Variants in KDM6B observed in about 807,000 individuals in gnomAD.
KDM6B encodes lysine demethylase 6B, also known as lysine-specific demethylase 6B.
Under a neutral mutation model 150.4 loss-of-function variants are expected in KDM6B, and 22 were observed. The observed-to-expected ratio is 0.15, with a 90% CI of 0.10 to 0.21. KDM6B has a LOEUF of 0.21. Ranked by LOEUF, KDM6B falls within the 10% of genes least tolerant of loss-of-function variation. The pLI is 1.00. For synonymous variants in KDM6B, 1,148 were observed against 921.1 expected (o/e 1.25, Z -4.46); for missense variants, 1,984 against 2,234.3 (o/e 0.89, Z 2.26).
At chr17:7,850,217 G>A in intron 14 of KDM6B, 40 bp downstream of exon 14, 1 of 1,537,582 alleles carries the variant, frequency 6.5e-7, no homozygotes, top group Non-Finnish European at 9.0e-7. Flanking sequence ...AGGGCTACAA[G>A]GGTCTGGGGC....
At chr17:7,836,739 C>T (rs1228953641) in intron 1 of KDM6B, among the ~76,000 whole-genome samples, 2 of 152,224 alleles carry the variant, frequency 1.3e-5, no homozygotes, top group Non-Finnish European at 2.9e-5. Flanking sequence ...TGGGTTTCTT[C>T]TTATGTCTCC....
In KDM6B at chr17:7,852,969, G is replaced by A. The variant is rs771721331; in HGVS notation, c.4611-31G>A. ...CCTGCCTCAGGCCTCCTCCTTGCCG[G>A]TGGTCTCAACACAACCCCACTGCTC... On this transcript the variant is annotated intron_variant, in intron 21 of 23. Transcript: ENST00000448097. 30 of 1,613,236 alleles carry A rather than the reference G, an allele frequency of 1.9e-5. No homozygotes were observed. In the Admixed American group the frequency reaches 5.0e-4, roughly 27 times the overall value.
rs535012380 is a variant in KDM6B at position 7,851,371 on chromosome 17, C to T, written c.3921C>T (p.Asp1307=). ...ESEDEESEEP[D]STTGTPPSSA... is the part of the protein sequence containing the mutation. ...AGGATGAGGAGTCAGAGGAGCCAGA[C>T]AGCACCACTGGAACCCCTCCTAGGT... The change falls in exon 16 of 24, where the codon GAC becomes GAT. Residue 1307 remains aspartate, a synonymous_variant. Coordinates refer to ENST00000448097, the MANE Select transcript of KDM6B (RefSeq NM_001348716.2). 2 of 1,614,178 alleles carry T rather than the reference C, an allele frequency of 1.2e-6. No homozygotes were observed. The highest frequency in any genetic ancestry group is 1.7e-6 in the Non-Finnish European group (2 of 1,180,018).
At position 7,852,458 on chromosome 17, in the gene KDM6B, G is replaced by GT. The variant is rs759868589; in HGVS notation, c.4469-34dup. 15 of 1,601,184 alleles carry GT rather than the reference G, an allele frequency of 9.4e-6. No homozygotes were observed. In the South Asian group the frequency reaches 1.7e-4, roughly 18 times the overall value. On this transcript the variant is annotated intron_variant, in intron 20 of 23. Coordinates refer to ENST00000448097, the MANE Select transcript of KDM6B (RefSeq NM_001348716.2). ...GCTTGGGCCTAGGTGTCTGGGGGCT[G>GT]TTTGAGAGTCCTGTTGTGATCGCCT...
chr17:7,849,787 A>G (rs1428401263), intron 12 of KDM6B, 34 bp from the exon 13 acceptor site: 4 of 1,612,762 alleles, frequency 2.5e-6, no homozygotes, highest in Non-Finnish European at 2.5e-6. Context: ...CATCACCCTG[A>G]TGTTTCTGTC....
In KDM6B at chr17:7,846,385, T is replaced by C. The variant is rs1222012413; in HGVS notation, c.457-15T>C. The C allele has an allele frequency of 2.5e-5, 13 of 527,360 alleles. No homozygotes were observed. Among genetic ancestry groups the C allele is most frequent in the Non-Finnish European group, 4.3e-5 (12 of 278,978 alleles). The allele number at this position is 527,360 out of a possible 1,614,324, so 32.7% of individuals were successfully genotyped here. On this transcript the variant is annotated splice_polypyrimidine_tract_variant and intron_variant, in intron 7 of 23. Transcript: ENST00000448097. ...ACCTGACATCTGCCCCTGCCCCGTG[T>C]CCCCCCACCCCCAGGCCCAGCTCTG...
In KDM6B at chr17:7,844,459, C is replaced by A. The variant is rs747376059; in HGVS notation, c.-268-442C>A. 6.6e-6 allele frequency: 1 copy of A among 152,288 alleles called. No homozygotes were observed. Among genetic ancestry groups the A allele is most frequent in the African/African-American group, 2.4e-5 (1 of 41,436 alleles). 9.4% of individuals were successfully genotyped at this position (152,288 alleles called of 1,614,324 possible). ...TTGGGTGCCGTGGAAGTCGCTGTGG[C>A]TGGCCAGCCCTAAGCAGTTAATAGG... On this transcript the variant is annotated intron_variant, in intron 2 of 23. Coordinates refer to ENST00000448097, the MANE Select transcript of KDM6B (RefSeq NM_001348716.2). This position sits in a 1 kb window ranked among gnomAD's most constrained non-coding sequence, Gnocchi z 5.9.
chr17:7,847,525 C>T, intron 11 of KDM6B, 21 bp from the exon 12 acceptor site: 1 of 1,613,122 alleles, frequency 6.2e-7, no homozygotes, highest in Non-Finnish European at 8.5e-7. Flanking sequence ...ATGCTCCTAC[C>T]ACCTGCTTCT....
Position 7,850,131 on chromosome 17 carries a change from A to G in KDM6B, c.3627A>G (p.Arg1209=). 2.5e-6 allele frequency: 4 copies of G among 1,613,866 alleles called. No homozygotes were observed. The highest frequency in any genetic ancestry group is 3.4e-6 in the Non-Finnish European group (4 of 1,180,014). The change falls in exon 14 of 24, where the codon CGA becomes CGG. Residue 1209 remains arginine (R), a synonymous_variant. Transcript: ENST00000448097. Reference sequence around the variant, plus strand: ...TGCTGCAGTTCTGTACAGACCCTCGAAATCCCATCACAGTGATCCGGGGCC... The same window carrying G: ...TGCTGCAGTTCTGTACAGACCCTCGGAATCCCATCACAGTGATCCGGGGCC... ...PVLLQFCTDP[R]NPITVIRGLA... is the part of the protein sequence containing the mutation.
In KDM6B at chr17:7,847,164, C is replaced by A. The variant is rs374365569; in HGVS notation, c.969C>A (p.His323Gln). The change falls in exon 11 of 24, where the codon CAC becomes CAA. Residue 323 changes from histidine (H) to glutamine (Q), a missense_variant. His to Gln is a conservative substitution (Grantham distance 24, BLOSUM62 0). Around this residue, in one of 13 missense-constraint regions of KDM6B, gnomAD observed 1,379 missense variants for 1,275.6 expected, o/e 1.08. Coordinates refer to ENST00000448097, the MANE Select transcript of KDM6B (RefSeq NM_001348716.2). ...YPYPAPAYTA[H>Q]PPGHRLVPAA... ...ACCCAGCTCCAGCGTACACCGCGCA[C>A]CCCCCTGGCCACCGGCTGGTCCCGG... 1.2e-6 allele frequency: 2 copies of A among 1,605,188 alleles called. No homozygotes were observed. Among genetic ancestry groups the A allele is most frequent in the Non-Finnish European group, 1.7e-6 (2 of 1,178,834 alleles).
chr17:7,847,067 T>C (rs375227615), intron 10 of KDM6B, 38 bp from the exon 11 acceptor site: 149 of 1,611,120 alleles, frequency 9.2e-5, no homozygotes, highest in Non-Finnish European at 1.2e-4. Flanking sequence ...TCCCACGCTC[T>C]CTATTCCTCA....
Position 7,844,833 on chromosome 17 carries a change from G to C in KDM6B, c.-268-68G>C, listed in dbSNP as rs899581362. 1 of 157,854 alleles carries C rather than the reference G, an allele frequency of 6.3e-6. No individual in the cohort carries two copies. The highest frequency in any genetic ancestry group is 1.4e-5 in the Non-Finnish European group (1 of 70,668). 9.8% of individuals were successfully genotyped at this position (157,854 alleles called of 1,614,324 possible). A position where few individuals can be genotyped will look rare whatever the true frequency, so the allele number is the denominator to read the frequency against. On this transcript the variant is annotated intron_variant, in intron 2 of 23. Coordinates refer to ENST00000448097, the MANE Select transcript of KDM6B (RefSeq NM_001348716.2). This position sits in a 1 kb window ranked among gnomAD's most constrained non-coding sequence, Gnocchi z 5.9. ...CACCCCGGGCTGAGCTCGTCTGACC[G>C]GCTCCCGCGCCCCTCCTCCCCCGGC...
rs2078747916 is a variant in KDM6B at position 7,853,530 on chromosome 17, G to A, written c.*9G>A. The A allele has an allele frequency of 6.9e-7, 1 of 1,445,422 alleles. No individual in the cohort carries two copies. The highest frequency in any genetic ancestry group is 1.3e-5 in the South Asian group (1 of 74,548). The allele number at this position is 1,445,422 out of a possible 1,614,324, so 89.5% of individuals were successfully genotyped here. On this transcript the variant is annotated 3_prime_UTR_variant, in exon 24 of 24. Coordinates refer to ENST00000448097, the MANE Select transcript of KDM6B (RefSeq NM_001348716.2). ...CCAGCACGTCGCGATGAGGCCGGAC[G>A]CCCCGCCCGCCTGCCTGCCCGCGCA...
chr17:7,846,245 G>A lies in KDM6B; in HGVS notation c.404G>A (p.Arg135Gln), dbSNP rs767174630. ...EATRCYHSAL[R>Q]YGGSFAELGP... ...ACACGCTGCTACCACAGCGCCCTTC[G>A]ATACGGAGGAAGCTTCGCTGAGCTG... The change falls in exon 7 of 24, where the codon CGA becomes CAA. Residue 135 changes from arginine (R) to glutamine (Q), a missense_variant. Transcript: ENST00000448097. 15 of 1,613,892 alleles carry A rather than the reference G, an allele frequency of 9.3e-6. No individual in the cohort carries two copies. Among genetic ancestry groups the A allele is most frequent in the South Asian group, 5.5e-5 (5 of 91,056 alleles).
chr17:7,846,813 T>G lies in KDM6B; in HGVS notation c.712-6T>G, dbSNP rs200027548. 6.2e-6 allele frequency: 10 copies of G among 1,613,306 alleles called. No individual in the cohort carries two copies. The East Asian group carries it at 2.2e-4, about 36-fold the overall frequency. ...AATGGGATTCTCACACTCTCTTCTC[T>G]CCTAGACTGGCCTTCCCCCAGGGCT... On this transcript the variant is annotated splice_polypyrimidine_tract_variant and splice_region_variant and intron_variant, in intron 9 of 23. Coordinates refer to ENST00000448097, the MANE Select transcript of KDM6B (RefSeq NM_001348716.2).
intron 2 of KDM6B, among the ~76,000 whole-genome samples, chr17:7,841,807 G>C (rs1225522248): frequency 6.6e-6 from 1 of 152,104 alleles, no homozygotes; most frequent in Non-Finnish European, 1.5e-5. Context: ...CGGCAGCCGG[G>C]GGAAGGCTGG....
In KDM6B at chr17:7,853,680, A is replaced by AAT; in HGVS notation, c.*159_*160insAT. 5.6e-6 allele frequency: 2 copies of AAT among 360,246 alleles called. No individual in the cohort carries two copies. The highest frequency in any genetic ancestry group is 8.8e-6 in the Non-Finnish European group (2 of 226,198). 22.3% of individuals were successfully genotyped at this position (360,246 alleles called of 1,614,324 possible). On this transcript the variant is annotated 3_prime_UTR_variant, in exon 24 of 24. Coordinates refer to ENST00000448097, the MANE Select transcript of KDM6B (RefSeq NM_001348716.2). ...CCCCTCACTTAATTTATTAAGAAAA[A>AAT]CTTTTTTTTTTTTTTTAGCAAATAT...
In KDM6B at chr17:7,848,952, A is replaced by G. The variant is rs2078628884; in HGVS notation, c.2664A>G (p.Pro888=). ...WARERRAGEE[P]VPGPMTPTQP... Reference sequence around the variant, plus strand: ...GGGAGCGCAGGGCGGGCGAAGAGCCAGTCCCGGGCCCCATGACCCCCACCC... The same window carrying G: ...GGGAGCGCAGGGCGGGCGAAGAGCCGGTCCCGGGCCCCATGACCCCCACCC... The change falls in exon 12 of 24, where the codon CCA becomes CCG. Residue 888 remains proline, a synonymous_variant. Transcript: ENST00000448097. 6 of 1,588,158 alleles carry G rather than the reference A, an allele frequency of 3.8e-6. No homozygotes were observed. In the East Asian group the frequency reaches 1.1e-4, roughly 30 times the overall value.
intron 21 of KDM6B, among the ~76,000 whole-genome samples, 158 bp downstream of exon 21, chr17:7,852,794 T>A (rs977570494): frequency 1.4e-4 from 21 of 152,224 alleles, no homozygotes; most frequent in Non-Finnish European, 5.9e-5. Flanking sequence ...CTTGCTGTCA[T>A]GACCTTTTCT....
Sources: gnomAD v4.1 joint callset for allele counts (sites outside exome capture counted in the v4.1 genomes callset) on GRCh38, gnomAD v4.1.1 for gene constraint, gnomAD v4.1.1 regional missense constraint, Gnocchi (gnomAD v3.1) non-coding constraint, MANE v1.5 for transcripts, NCBI Gene and HGNC (gene_info 2026-07-23, HGNC 2026-07-21) for gene names.